The following ATP9B variants were observed in gnomAD, a reference collection of about 807,000 sequenced individuals.
ATP9B encodes ATPase phospholipid transporting 9B.
ATP9B carries 110 observed loss-of-function variants against 146.1 expected under a neutral mutation model. That is an observed-to-expected ratio of 0.75 (90% CI 0.65 to 0.88). The LOEUF is 0.88. Ranked by LOEUF, ATP9B falls within the 40% of genes least tolerant of loss-of-function variation. The probability of loss-of-function intolerance (pLI) is 0.00; values close to 1 mark genes in which losing one functional copy is unlikely to be tolerated. For missense variants in ATP9B, 1,499 were observed against 1,496.4 expected (o/e 1.00, Z -0.03); for synonymous variants, 604 against 569.7 (o/e 1.06, Z -0.86).
At chr18:79,209,998 C>T (rs1313280299) in intron 10 of ATP9B, among the ~76,000 whole-genome samples, 2 of 152,148 alleles carry the variant, frequency 1.3e-5, no homozygotes, top group Non-Finnish European at 1.5e-5. Flanking sequence ...CAAGTTGACT[C>T]TGGAGGGGAA....
chr18:79,237,950 A>C (rs1279377257), intron 11 of ATP9B, among the ~76,000 whole-genome samples: 1 of 152,160 alleles, frequency 6.6e-6, no homozygotes, highest in Non-Finnish European at 1.5e-5. Context: ...ATGGCTTCTC[A>C]AAGTATTGGA....
intron 9 of ATP9B, among the ~76,000 whole-genome samples, chr18:79,201,089 T>C (rs894357865): frequency 3.9e-5 from 6 of 152,210 alleles, no homozygotes; most frequent in African/African-American, 1.4e-4. Context: ...AGAAACTTAT[T>C]TGTGGTTTTC....
At chr18:79,124,234 G>A (rs1046857684) in intron 4 of ATP9B, among the ~76,000 whole-genome samples, 2 of 152,228 alleles carry the variant, frequency 1.3e-5, no homozygotes, top group African/African-American at 2.4e-5. Context: ...ATTTTGGGAT[G>A]ATGGAAATCT....
chr18:79,362,490 T>A (rs1463517646), intron 26 of ATP9B: 1 of 152,260 alleles, frequency 6.6e-6, no homozygotes, highest in Non-Finnish European at 1.5e-5. Flanking sequence ...TTTGTTATTC[T>A]TTTGAAGCTC....
In ATP9B at chr18:79,176,854, G is replaced by A. The variant is rs2095179262; in HGVS notation, c.820G>A (p.Asp274Asn). The A allele has an allele frequency of 6.2e-7, 1 of 1,614,154 alleles. No homozygotes were observed. Among genetic ancestry groups the A allele is most frequent in the Non-Finnish European group, 8.5e-7 (1 of 1,180,024 alleles). Residue 274 changes from aspartate to asparagine, a missense_variant, in exon 8 of 30, where the codon GAC becomes AAC. Transcript: ENST00000426216. ...IRTDQLDGET[D>N]WKLKVAVSCT... The stretch of plus-strand genomic sequence containing the variant: ...AACTGATCAACTAGATGGTGAAACT[G>A]ACTGGAAGCTGAAGGTGGCAGTGAG...
intron 12 of ATP9B, among the ~76,000 whole-genome samples, chr18:79,263,541 G>T (rs1435071159): frequency 6.6e-6 from 1 of 152,204 alleles, no homozygotes; most frequent in Non-Finnish European, 1.5e-5. Context: ...TTCTATAATT[G>T]AAATCATACT....
chr18:79,200,048 ATAGT>A (rs1299049075), intron 9 of ATP9B, among the ~76,000 whole-genome samples: 1 of 152,228 alleles, frequency 6.6e-6, no homozygotes, highest in African/African-American at 2.4e-5. Flanking sequence ...AACTAGTAAC[ATAGT>A]TGTTTGTTAT....
At chr18:79,213,658 G>T (rs2095602972) in intron 10 of ATP9B, among the ~76,000 whole-genome samples, 1 of 152,072 alleles carries the variant, frequency 6.6e-6, no homozygotes, top group South Asian at 2.1e-4. Flanking sequence ...CACCATTTTA[G>T]TAGACAGTAG....
At chr18:79,221,557 C>G (rs2148489046) in intron 11 of ATP9B, among the ~76,000 whole-genome samples, 1 of 152,234 alleles carries the variant, frequency 6.6e-6, no homozygotes, top group South Asian at 2.1e-4. Flanking sequence ...GCCCTCTTTA[C>G]AAAAAATACA....
chr18:79,146,803 C>A, intron 6 of ATP9B: 1 of 153,142 alleles, frequency 6.5e-6, no homozygotes, highest in Non-Finnish European at 1.5e-5. Context: ...GCTCAGGTCA[C>A]ACACAAGAAG....
intron 8 of ATP9B, among the ~76,000 whole-genome samples, chr18:79,181,692 G>A (rs772594071): frequency 4.0e-5 from 6 of 151,862 alleles, no homozygotes; most frequent in Non-Finnish European, 7.4e-5. Context: ...CTAGTCTTCT[G>A]TTAAGCCCAC....
rs552697198 is a variant in ATP9B at position 79,332,286 on chromosome 18, G to A, written c.2028+2182G>A. 7.2e-5 allele frequency among the ~76,000 whole-genome samples: 11 copies of A among 152,232 alleles called. No homozygotes were observed. The East Asian group carries it at 9.7e-4, about 13-fold the overall frequency. ...CTACTAAAAATACAAAAAATTAGCC[G>A]GGTGTGGTGGCGGGCGCCTGTAGTC... is the stretch of plus-strand genomic sequence containing the variant. On this transcript the variant is annotated intron_variant, in intron 17 of 29. Transcript: ENST00000426216.
rs2095606357 is a variant in ATP9B at position 79,214,029 on chromosome 18, A to C, written c.1098A>C (p.Pro366=). Residue 366 remains proline, a synonymous_variant, in exon 11 of 30, where the codon CCA becomes CCC. Coordinates refer to ENST00000426216, the MANE Select transcript of ATP9B (RefSeq NM_198531.5). ...ETRSVMNTSN[P]KNKVGLLDLE... ...GAAGTGTAATGAACACATCCAATCCAAAAAATAAGGTAGGCTAGATTGAGG... is the reference window on the plus strand; with the variant it reads ...GAAGTGTAATGAACACATCCAATCCCAAAAATAAGGTAGGCTAGATTGAGG... 3 of 1,595,718 alleles carry C rather than the reference A, an allele frequency of 1.9e-6. No homozygotes were observed. The highest frequency in any genetic ancestry group is 2.6e-6 in the Non-Finnish European group (3 of 1,173,666).
intron 26 of ATP9B, among the ~76,000 whole-genome samples, chr18:79,369,376 C>CA (rs1374607124): frequency 2.6e-5 from 4 of 151,858 alleles, no homozygotes; most frequent in Admixed American, 6.6e-5. Context: ...TACTAAAATA[C>CA]AAAAAAATTA....
chr18:79,323,517 C>T (rs2096727592), intron 15 of ATP9B, among the ~76,000 whole-genome samples: 1 of 152,166 alleles, frequency 6.6e-6, no homozygotes, highest in South Asian at 2.1e-4. Flanking sequence ...AGGAGTTCAA[C>T]CTTTTTTTCT....
chr18:79,312,577 C>T (rs193003125), intron 15 of ATP9B, among the ~76,000 whole-genome samples: 1 of 152,342 alleles, frequency 6.6e-6, no homozygotes, highest in South Asian at 2.1e-4. Flanking sequence ...ATCTTCCTTA[C>T]GCCACATCTG....
At chr18:79,140,542 A>G (rs2147372934) in intron 5 of ATP9B, among the ~76,000 whole-genome samples, 1 of 152,216 alleles carries the variant, frequency 6.6e-6, no homozygotes, top group South Asian at 2.1e-4. Context: ...TGGGAGGCCA[A>G]GGCAGGTGGA....
chr18:79,206,880 G>C, intron 9 of ATP9B, 57 bp from the exon 10 acceptor site: 1 of 1,511,946 alleles, frequency 6.6e-7, no homozygotes, highest in Non-Finnish European at 9.1e-7. Context: ...GTTATATAAG[G>C]TGTGAATAAT....
chr18:79,240,028 C>T (rs933316886), intron 11 of ATP9B, among the ~76,000 whole-genome samples: 1 of 152,212 alleles, frequency 6.6e-6, no homozygotes, highest in Admixed American at 6.5e-5. Context: ...CTCTCTGGAA[C>T]CCTCCAGAGT....
Sources: gnomAD v4.1 joint callset for allele counts (sites outside exome capture counted in the v4.1 genomes callset) on GRCh38, gnomAD v4.1.1 for gene constraint, MANE v1.5 for transcripts, NCBI Gene and HGNC (gene_info 2026-07-23, HGNC 2026-07-21) for gene names.